The following ESRRG variants were observed in gnomAD, a reference collection of about 807,000 sequenced individuals.
ESRRG encodes estrogen-related receptor gamma.
In ESRRG, 13 loss-of-function variants were observed where a neutral mutation model predicts 44.0. The observed-to-expected ratio is 0.30, with a 90% CI of 0.19 to 0.47. The LOEUF is 0.47. Among genes scored for constraint, ESRRG ranks in the 20% least tolerant of loss-of-function variants. ESRRG has a pLI of 1.00. For synonymous variants in ESRRG, 215 were observed against 214.6 expected (o/e 1.00, Z -0.02); for missense variants, 395 against 580.6 (o/e 0.68, Z 3.29).
chr1:216,755,211 T>G (rs755631467), intron 2 of ESRRG, among the ~76,000 whole-genome samples: 12 of 152,034 alleles, frequency 7.9e-5, no homozygotes, highest in Non-Finnish European at 1.8e-4. Context: ...TGGTGAATTT[T>G]TGATGTTCTG....
chr1:216,937,780 C>T (rs2064399781), intron 2 of ESRRG, among the ~76,000 whole-genome samples: 1 of 152,060 alleles, frequency 6.6e-6, no homozygotes, highest in African/African-American at 2.4e-5. Context: ...GGATTCCTGC[C>T]CAGTCTGAGT....
At chr1:216,945,171 A>G (rs1465185279) in intron 1 of ESRRG, among the ~76,000 whole-genome samples, 2 of 152,180 alleles carry the variant, frequency 1.3e-5, no homozygotes, top group Non-Finnish European at 2.9e-5. Context: ...CTCTGCTCTC[A>G]ACCAAGGAGG....
At chr1:216,730,305 T>TAAAAA (rs11445965) in intron 2 of ESRRG, among the ~76,000 whole-genome samples, 6 of 121,412 alleles carry the variant, frequency 4.9e-5, no homozygotes, top group African/African-American at 6.2e-5. Context: ...CTTAGAAAGG[T>TAAAAA]AAAAAAAAAA....
rs201260010 is a variant in ESRRG at position 216,939,343 on chromosome 1, C to CAAAAAAAAAAAAAA, written c.-14+225_-14+238dup. 4.3e-3 allele frequency among the ~76,000 whole-genome samples: 217 copies of CAAAAAAAAAAAAAA among 50,018 alleles called. 17 individuals carry two copies. The highest frequency in any genetic ancestry group is 0.014 in the East Asian group (11 of 780). The allele number at this position is 50,018 out of a possible 152,430, so 32.8% of individuals were successfully genotyped here. A position where few individuals can be genotyped will look rare whatever the true frequency, so the allele number is the denominator to read the frequency against. ...TCTTCCAGAATATCCTACACATAGACAAAAAAAAAAAAAAAAAAAAAAAAA... is the reference window on the plus strand; with the variant it reads ...TCTTCCAGAATATCCTACACATAGACAAAAAAAAAAAAAAAAAAAAAAAAAAAAAAAAAAAAAAA... On this transcript the variant is annotated intron_variant, in intron 2 of 7. Coordinates refer to the ESRRG transcript ENST00000359162.
chr1:216,966,338 A>G (rs1440620759), intron 1 of ESRRG, among the ~76,000 whole-genome samples: 1 of 152,204 alleles, frequency 6.6e-6, no homozygotes, highest in Non-Finnish European at 1.5e-5. Flanking sequence ...ATGGTTGTTC[A>G]GGCTGTCTAT....
chr1:216,996,683 C>T lies in ESRRG; in HGVS notation c.-105-57010G>A, dbSNP rs530789021. ...CATTATACTCAAAAAGTGCTGAGTCCTCCCCTAATCCTGTCAATGGAGAGC... is the reference window on the plus strand; with the variant it reads ...CATTATACTCAAAAAGTGCTGAGTCTTCCCCTAATCCTGTCAATGGAGAGC... On this transcript the variant is annotated intron_variant, in intron 1 of 7. Transcript: ENST00000359162. Among the ~76,000 whole-genome samples, 3 of 152,152 alleles carry T rather than the reference C, an allele frequency of 2.0e-5. No homozygotes were observed. The East Asian group carries it at 5.8e-4, about 29-fold the overall frequency.
chr1:216,873,390 T>C (rs2096287778), intron 2 of ESRRG, among the ~76,000 whole-genome samples: 1 of 151,922 alleles, frequency 6.6e-6, no homozygotes, highest in African/African-American at 2.4e-5. Flanking sequence ...TTTTGTATTT[T>C]TAGTAGAGAT....
intron 1 of ESRRG, among the ~76,000 whole-genome samples, chr1:217,061,189 T>C (rs1354479416): frequency 6.6e-6 from 1 of 152,084 alleles, no homozygotes; most frequent in African/African-American, 2.4e-5. Context: ...GCTTTTTAAA[T>C]TGCCCTTGTC....
rs1285778828 is a variant in ESRRG at position 216,928,500 on chromosome 1, T to A, written c.-14+11082A>T. ...AGACTGCCATGACCCATTGGGAACA[T>A]CTCCTCTTCTTCCTGTCACAGCCTC... On this transcript the variant is annotated intron_variant, in intron 2 of 7. Coordinates refer to the ESRRG transcript ENST00000359162. 2.0e-5 allele frequency among the ~76,000 whole-genome samples: 3 copies of A among 152,182 alleles called. No homozygotes were observed. The East Asian group carries it at 5.8e-4, about 29-fold the overall frequency.
chr1:216,836,687 C>T (rs531917686), intron 2 of ESRRG, among the ~76,000 whole-genome samples: 41 of 152,292 alleles, frequency 2.7e-4, no homozygotes, highest in Non-Finnish European at 4.1e-4. Flanking sequence ...ATATCAGCAT[C>T]AAGTGGTGCA....
chr1:216,921,481 A>C (rs2061839049), intron 2 of ESRRG, among the ~76,000 whole-genome samples: 2 of 152,134 alleles, frequency 1.3e-5, no homozygotes, highest in South Asian at 4.1e-4. Flanking sequence ...ACTCCTACGA[A>C]CTTGACCTCT....
At chr1:217,135,496 C>T (rs1264349282) in intron 1 of ESRRG, among the ~76,000 whole-genome samples, 3 of 151,800 alleles carry the variant, frequency 2.0e-5, no homozygotes, top group Admixed American at 6.6e-5. Context: ...GGGGCAGAGG[C>T]GGAGGCCAAG....
At chr1:217,132,604 T>A (rs1232535782) in intron 1 of ESRRG, among the ~76,000 whole-genome samples, 1 of 152,174 alleles carries the variant, frequency 6.6e-6, no homozygotes, top group African/African-American at 2.4e-5. Flanking sequence ...AAATGGTGGC[T>A]GCCACTTATA....
At chr1:216,807,027 T>G (rs1300031069) in intron 2 of ESRRG, among the ~76,000 whole-genome samples, 1 of 152,166 alleles carries the variant, frequency 6.6e-6, no homozygotes, top group African/African-American at 2.4e-5. Flanking sequence ...CATTCTTGAT[T>G]AAGGAACCAA....
At chr1:216,802,427 A>T (rs2094651747) in intron 2 of ESRRG, among the ~76,000 whole-genome samples, 1 of 152,158 alleles carries the variant, frequency 6.6e-6, no homozygotes, top group Non-Finnish European at 1.5e-5. Context: ...CTAGCTTAAA[A>T]TATCCAATAA....
At chr1:216,577,419 G>C (rs1439204523) in intron 3 of ESRRG, among the ~76,000 whole-genome samples, 3 of 151,916 alleles carry the variant, frequency 2.0e-5, no homozygotes, top group African/African-American at 4.8e-5. Context: ...TATGAATAAA[G>C]TTATGAATTC....
chr1:217,097,862 A>C (rs1264066445), intron 1 of ESRRG, among the ~76,000 whole-genome samples: 1 of 150,932 alleles, frequency 6.6e-6, no homozygotes, highest in Non-Finnish European at 1.5e-5. Context: ...AAAAAAAAAG[A>C]TGATCTCAGG....
chr1:216,709,346 T>TATAA (rs1011024159), intron 1 of ESRRG, among the ~76,000 whole-genome samples: 167 of 149,988 alleles, frequency 1.1e-3, no homozygotes, highest in African/African-American at 3.8e-3. Context: ...TGTGTGTGTA[T>TATAA]ATATATATAT....
chr1:216,714,589 A>T (rs991064432), intron 1 of ESRRG: 1 of 978,158 alleles, frequency 1.0e-6, no homozygotes, highest in African/African-American at 1.8e-5. Flanking sequence ...AGATTTTCCA[A>T]TCATTAAAAC....
Sources: gnomAD v4.1 joint callset for allele counts (sites outside exome capture counted in the v4.1 genomes callset) on GRCh38, gnomAD v4.1.1 for gene constraint, MANE v1.5 for transcripts, NCBI Gene and HGNC (gene_info 2026-07-23, HGNC 2026-07-21) for gene names.